Variants in NBAS observed in about 807,000 individuals in gnomAD.
The protein encoded by NBAS is NBAS subunit of NRZ tethering complex.
In NBAS, 219 loss-of-function variants were observed where a neutral mutation model predicts 302.5. The ratio of observed to expected loss-of-function variants is 0.72; its 90% CI spans 0.65 to 0.81. The LOEUF is 0.81. Among genes scored for constraint, NBAS ranks in the 30% least tolerant of loss-of-function variants. The pLI, the probability that NBAS is intolerant of heterozygous loss-of-function variation, is 0.00. For missense variants in NBAS, 2,932 were observed against 2,841.6 expected (o/e 1.03, Z -0.72); for synonymous variants, 1,118 against 1,021.6 (o/e 1.09, Z -1.80).
chr2:15,480,724 G>C (rs939130734), intron 12 of NBAS, among the ~76,000 whole-genome samples: 2 of 152,194 alleles, frequency 1.3e-5, no homozygotes, highest in South Asian at 2.1e-4. Flanking sequence ...AAAAAAAGGA[G>C]AACAGTTTAA....
At chr2:15,059,957 A>C in the NBAS span, among the ~76,000 whole-genome samples, 14 of 95,250 alleles carry the variant, frequency 1.5e-4, no homozygotes, top group East Asian at 2.6e-4. Flanking sequence ...TAAAAAAAAA[A>C]AAAAAACAAA....
chr2:15,330,500 G>C (rs1672277681), intron 36 of NBAS, 98 bp downstream of exon 36: 1 of 1,479,370 alleles, frequency 6.8e-7, no homozygotes, highest in East Asian at 2.3e-5. Context: ...TAACAATCTA[G>C]AGAAGATAAA....
At chr2:14,851,442 T>C in the NBAS span, among the ~76,000 whole-genome samples, 5 of 150,932 alleles carry the variant, frequency 3.3e-5, no homozygotes, top group East Asian at 1.9e-4. Context: ...TAATCAATAG[T>C]TTACCAACCA....
At chr2:15,297,627 T>C (rs1167989669) in intron 40 of NBAS, among the ~76,000 whole-genome samples, 1 of 152,246 alleles carries the variant, frequency 6.6e-6, no homozygotes, top group Non-Finnish European at 1.5e-5. Flanking sequence ...CTCCCAGCCA[T>C]GCTTCCTGTT....
intron 12 of NBAS, among the ~76,000 whole-genome samples, chr2:15,487,423 C>A (rs983463755): frequency 6.6e-5 from 10 of 152,256 alleles, no homozygotes; most frequent in Middle Eastern, 3.4e-3. Context: ...CCCTAGAAGA[C>A]CCTGCTGGAC....
intron 12 of NBAS, 28 bp downstream of exon 12, chr2:15,488,866 G>A: frequency 6.2e-7 from 1 of 1,612,648 alleles, no homozygotes; most frequent in Non-Finnish European, 8.5e-7. Context: ...CCTTAAGAGA[G>A]TATCATTCTA....
At chr2:15,539,188 A>G (rs1558423211) in intron 7 of NBAS, 35 bp downstream of exon 7, 1 of 1,613,922 alleles carries the variant, frequency 6.2e-7, no homozygotes, top group Admixed American at 1.7e-5. Flanking sequence ...ATGACATTGA[A>G]AAAACTATGT....
chr2:14,783,266 C>A, the NBAS span, among the ~76,000 whole-genome samples: 1 of 152,030 alleles, frequency 6.6e-6, no homozygotes, highest in African/African-American at 2.4e-5. Context: ...AACTATTCAG[C>A]CTAGTCAGAT....
chr2:15,241,268 T>C (rs1266776893), intron 44 of NBAS, among the ~76,000 whole-genome samples: 1 of 152,156 alleles, frequency 6.6e-6, no homozygotes, highest in African/African-American at 2.4e-5. Context: ...GCTAGCCAAA[T>C]GTATACACTC....
At chr2:15,236,574 G>T (rs1667604675) in intron 45 of NBAS, among the ~76,000 whole-genome samples, 1 of 133,146 alleles carries the variant, frequency 7.5e-6, no homozygotes, top group East Asian at 2.2e-4. Flanking sequence ...TTGTTCCACA[G>T]AGAGTAATGA....
chr2:15,005,234 T>C, the NBAS span, among the ~76,000 whole-genome samples: 1 of 152,200 alleles, frequency 6.6e-6, no homozygotes, highest in Non-Finnish European at 1.5e-5. Context: ...CTCTAGAATG[T>C]ATTCATCTTG....
chr2:15,080,200 T>C, the NBAS span, among the ~76,000 whole-genome samples: 10 of 152,334 alleles, frequency 6.6e-5, no homozygotes, highest in Admixed American at 6.5e-4. Flanking sequence ...GACTCATGGC[T>C]GAAAGAAGAC....
chr2:15,087,241 C>G, the NBAS span, among the ~76,000 whole-genome samples: 1 of 151,098 alleles, frequency 6.6e-6, no homozygotes, highest in East Asian at 2.0e-4. Flanking sequence ...CACACACACA[C>G]ACACACACAC....
At chr2:15,271,123 T>A (rs1669299566) in intron 44 of NBAS, among the ~76,000 whole-genome samples, 1 of 152,144 alleles carries the variant, frequency 6.6e-6, no homozygotes. Flanking sequence ...TCTACCAGAT[T>A]TTTATGCCAA....
intron 28 of NBAS, among the ~76,000 whole-genome samples, chr2:15,385,941 T>C (rs1336003801): frequency 6.6e-6 from 1 of 152,192 alleles, no homozygotes; most frequent in African/African-American, 2.4e-5. Context: ...ATTGCAATGC[T>C]TTCCTGCTGA....
At chr2:15,470,243 C>G (rs1433261693) in intron 16 of NBAS, among the ~76,000 whole-genome samples, 2 of 152,146 alleles carry the variant, frequency 1.3e-5, no homozygotes, top group Admixed American at 6.5e-5. Flanking sequence ...AGCAAGGTTT[C>G]CTACCTTCCT....
At chr2:15,351,363 A>T (rs563877393) in intron 35 of NBAS, among the ~76,000 whole-genome samples, 1 of 152,230 alleles carries the variant, frequency 6.6e-6, no homozygotes, top group East Asian at 1.9e-4. Context: ...ATCTCTGGAA[A>T]GGGAGAGAAA....
At chr2:15,371,453 A>T (rs1178633842) in intron 31 of NBAS, among the ~76,000 whole-genome samples, 1 of 152,258 alleles carries the variant, frequency 6.6e-6, no homozygotes, top group Non-Finnish European at 1.5e-5. Context: ...ACCTACCGCC[A>T]TATTCACAGA....
At chr2:14,834,142 A>T in the NBAS span, among the ~76,000 whole-genome samples, 1 of 152,170 alleles carries the variant, frequency 6.6e-6, no homozygotes, top group African/African-American at 2.4e-5. Context: ...TCTTTCTGTC[A>T]TGTATTGAAT....
Sources: allele counts gnomAD v4.1 joint callset (sites outside exome capture counted in the v4.1 genomes callset), GRCh38; gene constraint gnomAD v4.1.1; transcripts MANE v1.5; gene names NCBI Gene and HGNC (gene_info 2026-07-23, HGNC 2026-07-21).